Variants in ZDHHC7 observed in about 807,000 individuals in gnomAD.
The protein encoded by ZDHHC7 is palmitoyltransferase ZDHHC7.
In ZDHHC7, 12 loss-of-function variants were observed where a neutral mutation model predicts 34.1. The ratio of observed to expected loss-of-function variants is 0.35; its 90% CI spans 0.23 to 0.57. The LOEUF (loss-of-function observed/expected upper bound fraction) is 0.57, where lower values mean the gene tolerates loss of function less well. Among genes scored for constraint, ZDHHC7 ranks in the 20% least tolerant of loss-of-function variants. The probability of loss-of-function intolerance (pLI) is 0.84; values close to 1 mark genes in which losing one functional copy is unlikely to be tolerated. For synonymous variants in ZDHHC7, 185 were observed against 155.4 expected, an observed-to-expected ratio of 1.19 and a Z score of -1.42; for missense variants, 388 against 402.7, an observed-to-expected ratio of 0.96 and a Z score of 0.31.
At chr16:84,979,653 G>T (rs1762636112) in intron 4 of ZDHHC7, among the ~76,000 whole-genome samples, 1 of 152,040 alleles carries the variant, frequency 6.6e-6, no homozygotes. Flanking sequence ...TACCCTCAAG[G>T]AGAAACATTC....
the ZDHHC7 span, among the ~76,000 whole-genome samples, chr16:85,026,228 A>G: frequency 2.0e-5 from 3 of 152,202 alleles, no homozygotes; most frequent in Admixed American, 6.5e-5. Flanking sequence ...CCAGGGAAGG[A>G]GTTTATTCAG....
chr16:84,977,948 A>T lies in ZDHHC7; in HGVS notation c.595T>A (p.Ser199Thr). Reference protein sequence around the residue: ...ALILCGFQFISCVRGQWTECS... With the variant: ...ALILCGFQFITCVRGQWTECS... ...CCAGTCCACTGCCCTCGGACACAGG[A>T]GATGAACTGAAATCCACAAAGGATC... The change falls in exon 6 of 8, where the codon TCC (serine) becomes ACC (threonine). Residue 199 changes from serine (S) to threonine (T), a missense_variant. Transcript: ENST00000313732. The T allele has an allele frequency of 6.2e-7, 1 of 1,614,144 alleles. No individual in the cohort carries two copies. The highest frequency in any genetic ancestry group is 8.5e-7 in the Non-Finnish European group (1 of 1,179,980).
chr16:84,984,353 T>C (rs1039552443), intron 3 of ZDHHC7, among the ~76,000 whole-genome samples: 4 of 152,126 alleles, frequency 2.6e-5, no homozygotes, highest in African/African-American at 7.2e-5. Context: ...TCCAACAATC[T>C]AGGGATCTTA....
At chr16:85,015,029 A>G (rs2143783381), upstream of ZDHHC7, among the ~76,000 whole-genome samples, 1 of 152,026 alleles carries the variant, frequency 6.6e-6, no homozygotes, top group Non-Finnish European at 1.5e-5. Context: ...GGAATGTGTC[A>G]GTTAAGGGGT....
intron 5 of ZDHHC7, 181 bp from the exon 6 acceptor site, chr16:84,978,186 A>C (rs956691559): frequency 3.9e-5 from 19 of 484,776 alleles, no homozygotes; most frequent in Non-Finnish European, 6.7e-5. Flanking sequence ...TACAAGCACC[A>C]TGCCCGGCTA....
chr16:85,009,175 C>A (rs975188991), intron 1 of ZDHHC7, among the ~76,000 whole-genome samples: 4 of 151,978 alleles, frequency 2.6e-5, no homozygotes, highest in Admixed American at 2.6e-4. Flanking sequence ...CAAACATTAA[C>A]TTTCTACATG....
At chr16:84,983,036 C>T (rs1440027365) in intron 3 of ZDHHC7, among the ~76,000 whole-genome samples, 1 of 152,192 alleles carries the variant, frequency 6.6e-6, no homozygotes, top group Non-Finnish European at 1.5e-5. Flanking sequence ...ATTCTGGGAG[C>T]TGTGGCAGGG....
the ZDHHC7 span, among the ~76,000 whole-genome samples, chr16:85,023,168 CTT>C: frequency 8.6e-5 from 12 of 138,820 alleles, no homozygotes; most frequent in Admixed American, 1.4e-4. Context: ...TCTTTCTTTT[CTT>C]TTTTTTTTTT....
At chr16:85,018,227 T>C in the ZDHHC7 span, among the ~76,000 whole-genome samples, 4 of 152,038 alleles carry the variant, frequency 2.6e-5, no homozygotes, top group African/African-American at 9.7e-5. Context: ...TGTCTCATAA[T>C]GTTGAGTAAA....
chr16:84,990,263 C>T, intron 3 of ZDHHC7, 41 bp downstream of exon 3: 1 of 1,597,480 alleles, frequency 6.3e-7, no homozygotes, highest in Non-Finnish European at 8.5e-7. Flanking sequence ...GACACTAGAC[C>T]AGACACAAGA....
At position 84,988,728 on chromosome 16, in the gene ZDHHC7, G is replaced by A. The variant is rs184954360; in HGVS notation, c.315+1576C>T. ...CAAACTGCTGAGGACTCCCAGCCAG[G>A]CTGACCCTCCCCCATGTGCCTACCC... On this transcript the variant is annotated intron_variant, in intron 3 of 7. Coordinates refer to ENST00000313732, the MANE Select transcript of ZDHHC7 (RefSeq NM_017740.3). The A allele has an allele frequency of 3.2e-6, 5 of 1,542,162 alleles. No individual in the cohort carries two copies. In the Admixed American group the frequency reaches 9.8e-5, roughly 30 times the overall value.
At chr16:85,005,039 C>A (rs1324847739) in intron 1 of ZDHHC7, 1 of 152,178 alleles carries the variant, frequency 6.6e-6, no homozygotes, top group African/African-American at 2.4e-5. Context: ...CCCCTTTCAT[C>A]CCTGTACGAG....
At chr16:84,989,634 G>A (rs968396436) in intron 3 of ZDHHC7, among the ~76,000 whole-genome samples, 16 of 146,720 alleles carry the variant, frequency 1.1e-4, no homozygotes, top group African/African-American at 2.6e-4. Context: ...GGCAGAGGTT[G>A]CAGTGAGCCA....
intron 1 of ZDHHC7, chr16:85,004,968 C>G (rs974727270): frequency 2.0e-5 from 3 of 152,252 alleles, no homozygotes; most frequent in Non-Finnish European, 2.9e-5. Flanking sequence ...CGGGACCTCA[C>G]TAGAGCACGC....
intron 1 of ZDHHC7, among the ~76,000 whole-genome samples, chr16:84,999,278 T>C (rs1315334212): frequency 6.6e-6 from 1 of 152,160 alleles, no homozygotes; most frequent in Non-Finnish European, 1.5e-5. Flanking sequence ...TTATAAATTT[T>C]AAAAAGTAAC....
upstream of ZDHHC7, among the ~76,000 whole-genome samples, chr16:85,014,442 C>A (rs1441995407): frequency 6.6e-6 from 1 of 152,168 alleles, no homozygotes; most frequent in African/African-American, 2.4e-5. Context: ...GAAGGTGTGA[C>A]AGCCATAGAG....
chr16:84,982,132 C>G, intron 3 of ZDHHC7, 138 bp from the exon 4 acceptor site: 1 of 1,073,960 alleles, frequency 9.3e-7, no homozygotes, highest in Non-Finnish European at 1.3e-6. Context: ...GAGTTCAAGA[C>G]CAGCCTGGCC....
Position 84,976,446 on chromosome 16 carries a change from A to G in ZDHHC7, c.824T>C (p.Phe275Ser). 1.2e-6 allele frequency: 2 copies of G among 1,614,156 alleles called. No individual in the cohort carries two copies. The highest frequency in any genetic ancestry group is 1.3e-5 in the African/African-American group (1 of 75,054). ...CCAGAGGAGTGAGGGGGGCCCCCCAAAGACGGACTTCATCCCTTCCCATCG... is the reference window on the plus strand; with the variant it reads ...CCAGAGGAGTGAGGGGGGCCCCCCAGAGACGGACTTCATCCCTTCCCATCG... ...RLRWEGMKSV[F>S]GGPPSLLWMN... is the part of the protein sequence containing the mutation. The change falls in exon 8 of 8, where the codon TTT becomes TCT. Residue 275 changes from phenylalanine to serine, a missense_variant. Transcript: ENST00000313732.
At chr16:85,020,616 C>T in the ZDHHC7 span, among the ~76,000 whole-genome samples, 1 of 152,040 alleles carries the variant, frequency 6.6e-6, no homozygotes, top group Non-Finnish European at 1.5e-5. Flanking sequence ...GCAGGTCCTA[C>T]AGTAGAAAGG....
Sources: allele counts gnomAD v4.1 joint callset (sites outside exome capture counted in the v4.1 genomes callset), GRCh38; gene constraint gnomAD v4.1.1; transcripts MANE v1.5; gene names NCBI Gene and HGNC (gene_info 2026-07-23, HGNC 2026-07-21).